The following SDK1 variants were observed in gnomAD, a reference collection of about 807,000 sequenced individuals.
The protein encoded by SDK1 is sidekick cell adhesion molecule 1, also known as protein sidekick-1.
Under a neutral mutation model 245.5 loss-of-function variants are expected in SDK1, and 157 were observed. The ratio of observed to expected loss-of-function variants is 0.64; its 90% confidence interval spans 0.56 to 0.73. The LOEUF is 0.73. Among genes scored for constraint, SDK1 ranks in the 30% least tolerant of loss-of-function variants. SDK1 has a pLI of 0.00. For missense variants in SDK1, 3,583 were observed against 3,002.3 expected (o/e 1.19, Z -4.52); for synonymous variants, 1,647 against 1,278.5 (o/e 1.29, Z -6.15).
chr7:3,624,313 C>T (rs1483023061), intron 2 of SDK1, among the ~76,000 whole-genome samples: 1 of 152,164 alleles, frequency 6.6e-6, no homozygotes, highest in Non-Finnish European at 1.5e-5. Context: ...AGTCCTCCTG[C>T]CTCAGCCTCT....
chr7:4,108,417 G>T (rs919599985), intron 22 of SDK1, among the ~76,000 whole-genome samples: 1 of 150,720 alleles, frequency 6.6e-6, no homozygotes, highest in African/African-American at 2.5e-5. Flanking sequence ...CTGAGAACTG[G>T]CTCACTTTGG....
At chr7:4,058,575 G>A (rs1554325722) in intron 19 of SDK1, among the ~76,000 whole-genome samples, 1 of 152,170 alleles carries the variant, frequency 6.6e-6, no homozygotes, top group Non-Finnish European at 1.5e-5. Flanking sequence ...AAAAGTTGAA[G>A]ACAGAATTCC....
intron 41 of SDK1, 44 bp from the exon 42 acceptor site, chr7:4,237,603 G>T (rs1381050404): frequency 1.9e-6 from 3 of 1,611,552 alleles, no homozygotes; most frequent in East Asian, 4.5e-5. Context: ...ACTGCAGCTG[G>T]AGCGTCTGCC....
rs145631661 is a variant in SDK1 at position 3,466,849 on chromosome 7, G to A, written c.299-152231G>A. 1.4e-4 allele frequency among the ~76,000 whole-genome samples: 21 copies of A among 151,814 alleles called. No individual in the cohort carries two copies. The East Asian group carries it at 3.9e-3, about 28-fold the overall frequency. On this transcript the variant is annotated intron_variant, in intron 1 of 44. Coordinates refer to ENST00000404826, the MANE Select transcript of SDK1 (RefSeq NM_152744.4). ...CAAGGATTTTTACCAATTATTTACT[G>A]TGGATTTAAATTGATACTGAATGAC... is the stretch of plus-strand genomic sequence containing the variant.
At chr7:3,811,760 G>A (rs553760887) in intron 4 of SDK1, among the ~76,000 whole-genome samples, 28 of 152,318 alleles carry the variant, frequency 1.8e-4, no homozygotes, top group African/African-American at 6.5e-4. Flanking sequence ...TGGGTAGATG[G>A]TCAGCAGGGA....
At chr7:3,775,654 C>T (rs1415094499) in intron 4 of SDK1, among the ~76,000 whole-genome samples, 1 of 151,554 alleles carries the variant, frequency 6.6e-6, no homozygotes, top group Non-Finnish European at 1.5e-5. Context: ...TCGGCTCACT[C>T]CAAGCTCTGC....
intron 1 of SDK1, among the ~76,000 whole-genome samples, chr7:3,481,621 G>T (rs1424777069): frequency 6.6e-6 from 1 of 152,142 alleles, no homozygotes; most frequent in Admixed American, 6.5e-5. Flanking sequence ...AGCCCTTCCT[G>T]TGTACAGGGT....
In SDK1 at chr7:4,051,817, G is replaced by A; in HGVS notation, c.2898G>A (p.Trp966Ter). 6.2e-7 allele frequency: 1 copy of A among 1,610,168 alleles called. No homozygotes were observed. Among genetic ancestry groups the A allele is most frequent in the Non-Finnish European group, 8.5e-7 (1 of 1,177,766 alleles). The change falls in exon 19 of 45, where the codon TGG becomes TGA. Residue 966 changes from tryptophan (W) to a stop codon, truncating the protein, a stop_gained. Transcript: ENST00000404826. LOFTEE classifies it high-confidence loss of function. ...DGPPSTPQLV[W>*]TQEDKPGAVG... ...CTCCCAGCACACCTCAGCTGGTCTG[G>A]ACTCAGGAAGACAGTGAGTATTCCT...
At chr7:3,486,092 CT>C (rs913644355) in intron 1 of SDK1, among the ~76,000 whole-genome samples, 37 of 151,834 alleles carry the variant, frequency 2.4e-4, no homozygotes, top group African/African-American at 7.5e-4. Context: ...TTTTTCCCCC[CT>C]GAGTTAAATT....
At chr7:3,910,168 A>T (rs1392014084) in intron 5 of SDK1, among the ~76,000 whole-genome samples, 1 of 152,180 alleles carries the variant, frequency 6.6e-6, no homozygotes, top group Non-Finnish European at 1.5e-5. Flanking sequence ...TTTCCCCTGG[A>T]ATGTGCAGCG....
At chr7:3,494,524 G>A (rs756851836) in intron 1 of SDK1, among the ~76,000 whole-genome samples, 8 of 152,108 alleles carry the variant, frequency 5.3e-5, no homozygotes, top group Non-Finnish European at 1.2e-4. Context: ...ATAGATATGG[G>A]GTGCACAGTG....
chr7:3,625,082 A>C (rs1212429108), intron 2 of SDK1, among the ~76,000 whole-genome samples: 4 of 152,158 alleles, frequency 2.6e-5, no homozygotes, highest in African/African-American at 4.8e-5. Flanking sequence ...ATGAGTTCTC[A>C]AACCAATGCT....
chr7:3,305,322 G>T (rs977044815), intron 1 of SDK1, among the ~76,000 whole-genome samples: 1 of 152,168 alleles, frequency 6.6e-6, no homozygotes, highest in African/African-American at 2.4e-5. Flanking sequence ...GTATGTTTGT[G>T]TTACTTTTTT....
At chr7:3,316,154 T>A (rs1779657876) in intron 1 of SDK1, among the ~76,000 whole-genome samples, 1 of 152,206 alleles carries the variant, frequency 6.6e-6, no homozygotes, top group South Asian at 2.1e-4. Flanking sequence ...AATTTAAATT[T>A]AAATATACAT....
intron 4 of SDK1, among the ~76,000 whole-genome samples, chr7:3,749,249 G>A (rs1779709607): frequency 1.3e-5 from 2 of 152,060 alleles, no homozygotes; most frequent in South Asian, 4.1e-4. Context: ...CAATTCTCCT[G>A]CCTCAGCCTT....
chr7:4,109,889 A>G (rs906977264), intron 22 of SDK1, among the ~76,000 whole-genome samples: 2 of 152,134 alleles, frequency 1.3e-5, no homozygotes, highest in African/African-American at 4.8e-5. Context: ...GATGGTGTGG[A>G]GCTCCCAGAC....
intron 1 of SDK1, among the ~76,000 whole-genome samples, chr7:3,616,786 G>A (rs973940175): frequency 6.6e-6 from 1 of 152,094 alleles, no homozygotes; most frequent in African/African-American, 2.4e-5. Flanking sequence ...AGTTTAATGT[G>A]CAACTAGTTT....
At chr7:4,063,025 C>G (rs991975285) in intron 19 of SDK1, among the ~76,000 whole-genome samples, 6 of 152,150 alleles carry the variant, frequency 3.9e-5, no homozygotes, top group Non-Finnish European at 8.8e-5. Flanking sequence ...AGCTGAAATC[C>G]TTTCCTCTGA....
chr7:3,522,842 C>T (rs910377121), intron 1 of SDK1, among the ~76,000 whole-genome samples: 2 of 152,006 alleles, frequency 1.3e-5, no homozygotes, highest in East Asian at 1.9e-4. Flanking sequence ...GGGTGAGGTT[C>T]GCTATTCACA....
Sources: allele counts gnomAD v4.1 joint callset (sites outside exome capture counted in the v4.1 genomes callset), GRCh38; gene constraint gnomAD v4.1.1; transcripts MANE v1.5; gene names NCBI Gene and HGNC (gene_info 2026-07-23, HGNC 2026-07-21).